TJP2: variants seen among roughly 807,000 people sequenced by gnomAD.
The protein encoded by TJP2 is Friedreich ataxia region gene X104 (tight junction protein ZO-2).
A neutral mutation model predicts 133.1 loss-of-function variants in TJP2; 91 were observed. The observed-to-expected ratio is 0.68, with a 90% CI of 0.58 to 0.81. The LOEUF is 0.81. Ranked by LOEUF, TJP2 falls within the 40% of genes least tolerant of loss-of-function variation. The pLI is 0.00. For missense variants in TJP2, 1,541 were observed against 1,565.6 expected (o/e 0.98, Z 0.26); for synonymous variants, 592 against 583.4 (o/e 1.01, Z -0.21).
At chr9:69,191,681 C>T (rs986940545) in intron 1 of TJP2, among the ~76,000 whole-genome samples, 4 of 152,134 alleles carry the variant, frequency 2.6e-5, no homozygotes. Flanking sequence ...TCTTTGTTTT[C>T]AAAGTCTGAT....
At chr9:69,140,523 A>T (rs976443107) in intron 1 of TJP2, among the ~76,000 whole-genome samples, 4 of 152,186 alleles carry the variant, frequency 2.6e-5, no homozygotes, top group Non-Finnish European at 4.4e-5. Flanking sequence ...CTGTCAGCCA[A>T]CTGCTGTATC....
At chr9:69,213,926 A>G (rs1422969539) in intron 2 of TJP2, among the ~76,000 whole-genome samples, 3 of 152,192 alleles carry the variant, frequency 2.0e-5, no homozygotes, top group African/African-American at 4.8e-5. Flanking sequence ...TGAGTTTGTA[A>G]TTGTGTATAA....
chr9:69,165,696 C>A (rs1321702501), intron 2 of TJP2, among the ~76,000 whole-genome samples: 2 of 152,168 alleles, frequency 1.3e-5, no homozygotes, highest in Non-Finnish European at 2.9e-5. Context: ...TTCATATATT[C>A]TGCAGTGTAA....
At chr9:69,202,858 C>T (rs1361510725) in intron 1 of TJP2, among the ~76,000 whole-genome samples, 1 of 152,012 alleles carries the variant, frequency 6.6e-6, no homozygotes, top group Non-Finnish European at 1.5e-5. Context: ...CAGTTCAAAC[C>T]TTGCTGTTCA....
chr9:69,205,026 T>C, intron 1 of TJP2: 23 of 1,426,302 alleles, frequency 1.6e-5, no homozygotes, highest in Non-Finnish European at 1.9e-5. Context: ...GATGTGTCAC[T>C]GTGTGAGATG....
At chr9:69,159,491 ATAAT>A (rs1280623171) in intron 2 of TJP2, among the ~76,000 whole-genome samples, 1 of 152,218 alleles carries the variant, frequency 6.6e-6, no homozygotes, top group African/African-American at 2.4e-5. Context: ...GTTACTTAAA[ATAAT>A]TAACTCTGTC....
chr9:69,185,113 A>C lies in TJP2; in HGVS notation c.60+10681A>C, dbSNP rs543148043. Among the ~76,000 whole-genome samples the C allele has an allele frequency of 9.6e-5, 14 of 146,438 alleles. No homozygotes were observed. The South Asian group carries it at 1.7e-3, about 18-fold the overall frequency. ...GTCTTGCTGTGTTGCCCAGGCTGGA[A>C]TGCAGTGGTGCAATCTCAGCTTACT... is the stretch of plus-strand genomic sequence containing the variant. On this transcript the variant is annotated intron_variant, in intron 1 of 22. Coordinates refer to ENST00000377245, the MANE Select transcript of TJP2 (RefSeq NM_004817.4).
At chr9:69,204,645 A>G (rs559239327) in intron 1 of TJP2, among the ~76,000 whole-genome samples, 54 of 152,358 alleles carry the variant, frequency 3.5e-4, no homozygotes, top group Non-Finnish European at 6.9e-4. Context: ...ATCTCCAAGG[A>G]CGTAAAACAT....
At chr9:69,141,586 C>T (rs942875602) in intron 1 of TJP2, among the ~76,000 whole-genome samples, 1 of 152,068 alleles carries the variant, frequency 6.6e-6, no homozygotes, top group Non-Finnish European at 1.5e-5. Flanking sequence ...ATATACATTA[C>T]GGCATTATTT....
At chr9:69,219,970 G>A (rs1222491386) in intron 4 of TJP2, among the ~76,000 whole-genome samples, 1 of 152,062 alleles carries the variant, frequency 6.6e-6, no homozygotes, top group Admixed American at 6.6e-5. Flanking sequence ...GGCCAACATG[G>A]TGAAACCCCG....
At chr9:69,173,652 G>A (rs1329588942), upstream of TJP2, among the ~76,000 whole-genome samples, 1 of 152,200 alleles carries the variant, frequency 6.6e-6, no homozygotes, top group South Asian at 2.1e-4. Flanking sequence ...TGGGGTACAA[G>A]GCCGTGTATG....
At chr9:69,246,104 TA>T (rs1283594573) in intron 17 of TJP2, 2 of 161,160 alleles carry the variant, frequency 1.2e-5, no homozygotes, top group Non-Finnish European at 2.7e-5. Context: ...TTAGGAATTA[TA>T]AGTAATCCAG....
In TJP2 at chr9:69,254,823, T is replaced by C. The variant is rs373505707; in HGVS notation, c.*449T>C. ...CAAAGAAGTACTTTATTGCAACTCT[T>C]TTAAGTGCCTTGGATGAGAAGTGTC... is the stretch of plus-strand genomic sequence containing the variant. On this transcript the variant is annotated 3_prime_UTR_variant, in exon 23 of 23. Transcript: ENST00000377245. 4.3e-6 allele frequency: 2 copies of C among 464,084 alleles called. No individual in the cohort carries two copies. The highest frequency in any genetic ancestry group is 1.3e-4 in the South Asian group (2 of 15,438). The allele number at this position is 464,084 out of a possible 1,614,324, so 28.7% of individuals were successfully genotyped here.
At chr9:69,135,804 C>T (rs1057058883) in intron 1 of TJP2, among the ~76,000 whole-genome samples, 11 of 152,126 alleles carry the variant, frequency 7.2e-5, no homozygotes, top group African/African-American at 2.4e-4. Flanking sequence ...TGGTGTTTCA[C>T]CATGTTGGCC....
At chr9:69,171,695 C>T (rs1478419720), upstream of TJP2, among the ~76,000 whole-genome samples, 1 of 151,310 alleles carries the variant, frequency 6.6e-6, no homozygotes, top group Non-Finnish European at 1.5e-5. Flanking sequence ...TGTTGATTGT[C>T]TACTGCAATA....
chr9:69,212,742 A>G (rs1033484256), intron 2 of TJP2, 141 bp downstream of exon 2: 5 of 679,666 alleles, frequency 7.4e-6, no homozygotes, highest in African/African-American at 5.4e-5. Flanking sequence ...CTAACTGGCA[A>G]TAATTGCTAT....
At chr9:69,229,058 T>C in intron 9 of TJP2, 126 bp from the exon 10 acceptor site, 1 of 879,422 alleles carries the variant, frequency 1.1e-6, no homozygotes, top group Middle Eastern at 2.2e-4. Context: ...CTTTAGAGAC[T>C]TCTTTTTGTT....
chr9:69,174,271 CG>C, upstream of TJP2: 2 of 1,528,908 alleles, frequency 1.3e-6, no homozygotes, highest in Middle Eastern at 1.9e-4. Context: ...GGTTGGGCTG[CG>C]GGTCAGAGCA....
At chr9:69,185,651 T>C (rs1159789601) in intron 1 of TJP2, among the ~76,000 whole-genome samples, 2 of 152,222 alleles carry the variant, frequency 1.3e-5, no homozygotes, top group African/African-American at 2.4e-5. Flanking sequence ...GTCATTCCAC[T>C]TTATTATTAA....
Sources: allele counts gnomAD v4.1 joint callset (sites outside exome capture counted in the v4.1 genomes callset), GRCh38; gene constraint gnomAD v4.1.1; transcripts MANE v1.5; gene names NCBI Gene and HGNC (gene_info 2026-07-23, HGNC 2026-07-21).